DNAH9: variants seen among roughly 807,000 people sequenced by gnomAD.
DNAH9 encodes dynein axonemal heavy chain 9.
Under a neutral mutation model 471.6 loss-of-function variants are expected in DNAH9, and 345 were observed. That is an observed-to-expected ratio of 0.73 (90% CI 0.67 to 0.80). DNAH9 has a LOEUF of 0.80. Ranked by LOEUF, DNAH9 falls within the 30% of genes least tolerant of loss-of-function variation. DNAH9 has a pLI of 0.00. For synonymous variants in DNAH9, 2,093 were observed against 2,123.6 expected (o/e 0.99, Z 0.40); for missense variants, 5,407 against 5,609.2 (o/e 0.96, Z 1.15).
intron 24 of DNAH9, among the ~76,000 whole-genome samples, chr17:11,702,465 A>C (rs2074618283): frequency 6.6e-6 from 1 of 152,224 alleles, no homozygotes; most frequent in South Asian, 2.1e-4. Context: ...AGAGTAGATA[A>C]GATTGCCCTT....
chr17:11,828,748 G>A (rs924101175), intron 48 of DNAH9, among the ~76,000 whole-genome samples: 1 of 151,996 alleles, frequency 6.6e-6, no homozygotes, highest in African/African-American at 2.4e-5. Flanking sequence ...CATCACTTCC[G>A]AGACCTGAAC....
chr17:11,690,635 CA>C (rs1382276608), intron 20 of DNAH9, among the ~76,000 whole-genome samples, 199 bp downstream of exon 20: 4 of 151,670 alleles, frequency 2.6e-5, no homozygotes, highest in Non-Finnish European at 5.9e-5. Context: ...AAATGCACAC[CA>C]ATCAGTTTGT....
intron 50 of DNAH9, among the ~76,000 whole-genome samples, chr17:11,857,829 C>T (rs557955153): frequency 2.6e-5 from 4 of 152,190 alleles, no homozygotes; most frequent in East Asian, 1.9e-4. Context: ...ACCTGCCCCC[C>T]GCAACTCCCT....
intron 29 of DNAH9, among the ~76,000 whole-genome samples, chr17:11,741,608 C>G (rs2150835169): frequency 6.6e-6 from 1 of 151,540 alleles, no homozygotes; most frequent in East Asian, 1.9e-4. Context: ...TGGCAAAAAC[C>G]ACAGTTACTT....
chr17:11,743,365 A>G (rs1003379168), intron 30 of DNAH9, among the ~76,000 whole-genome samples: 3 of 152,124 alleles, frequency 2.0e-5, no homozygotes, highest in Non-Finnish European at 2.9e-5. Context: ...CCAAGCACCC[A>G]TATCTTTTGC....
chr17:11,874,131 G>A (rs1013818296), intron 52 of DNAH9, among the ~76,000 whole-genome samples: 1 of 151,646 alleles, frequency 6.6e-6, no homozygotes, highest in Non-Finnish European at 1.5e-5. Flanking sequence ...TGTAATCCCA[G>A]CCACCTGGGA....
intron 27 of DNAH9, among the ~76,000 whole-genome samples, chr17:11,726,209 A>G (rs1432086798): frequency 6.6e-6 from 1 of 152,130 alleles, no homozygotes; most frequent in Non-Finnish European, 1.5e-5. Context: ...TAAAGCATGT[A>G]GTTTTCTGTG....
At position 11,693,138 on chromosome 17, in the gene DNAH9, C is replaced by T. The variant is rs1457078637; in HGVS notation, c.4615-730C>T. Reference sequence around the variant, plus strand: ...CCATGTTGGTCAGGCTGGTCTCAAACTCCTGACCTTGTGATCCACCCGCCT... The same window carrying T: ...CCATGTTGGTCAGGCTGGTCTCAAATTCCTGACCTTGTGATCCACCCGCCT... On this transcript the variant is annotated intron_variant, in intron 20 of 68. Coordinates refer to ENST00000262442, the MANE Select transcript of DNAH9 (RefSeq NM_001372.4). Among the ~76,000 whole-genome samples, 3 of 146,460 alleles carry T rather than the reference C, an allele frequency of 2.0e-5. No homozygotes were observed. In the East Asian group the frequency reaches 6.1e-4, roughly 30 times the overall value.
At chr17:11,869,676 G>C (rs1041264335) in intron 51 of DNAH9, among the ~76,000 whole-genome samples, 4 of 152,170 alleles carry the variant, frequency 2.6e-5, no homozygotes, top group South Asian at 2.1e-4. Context: ...TACTGACCCT[G>C]AGTATTTCAG....
intron 56 of DNAH9, among the ~76,000 whole-genome samples, chr17:11,885,431 T>C (rs1972852196): frequency 6.6e-6 from 1 of 152,242 alleles, no homozygotes; most frequent in African/African-American, 2.4e-5. Context: ...TACGTCCTGA[T>C]GGGCATCAAA....
intron 28 of DNAH9, among the ~76,000 whole-genome samples, chr17:11,737,923 T>G (rs1482166799): frequency 6.6e-6 from 1 of 152,168 alleles, no homozygotes; most frequent in Non-Finnish European, 1.5e-5. Context: ...TGGGTATCCC[T>G]CATGTTAGCT....
chr17:11,789,431 T>C (rs1423221598), intron 41 of DNAH9, among the ~76,000 whole-genome samples: 1 of 152,072 alleles, frequency 6.6e-6, no homozygotes, highest in Non-Finnish European at 1.5e-5. Context: ...TAAGACATCC[T>C]TGTTATCAAT....
chr17:11,685,985 TA>T (rs2074236399), intron 19 of DNAH9, among the ~76,000 whole-genome samples: 1 of 151,928 alleles, frequency 6.6e-6, no homozygotes, highest in African/African-American at 2.4e-5. Context: ...TTTGTATTTT[TA>T]GTAGAGACAG....
Position 11,937,560 on chromosome 17 carries a change from G to A in DNAH9, c.12660+38G>A. On this transcript the variant is annotated intron_variant, in intron 66 of 68. Transcript: ENST00000262442. This position sits in a 1 kb window ranked among gnomAD's most constrained non-coding sequence, Gnocchi z 4.1. ...GGGACTGCCTGAGGTCGTTCTGGGG[G>A]ACCCCGAGGATCATAGATGCACACC... 5 of 1,570,124 alleles carry A rather than the reference G, an allele frequency of 3.2e-6. No individual in the cohort carries two copies. In the South Asian group the frequency reaches 3.5e-5, roughly 11 times the overall value.
Position 11,904,191 on chromosome 17 carries a change from G to A in DNAH9, c.11600+1279G>A, listed in dbSNP as rs189937922. ...AGCTGAGGTCACTAAGAATCTACAGGATTGTCCACATGGATGTTGATGTCA... is the reference window on the plus strand; with the variant it reads ...AGCTGAGGTCACTAAGAATCTACAGAATTGTCCACATGGATGTTGATGTCA... On this transcript the variant is annotated intron_variant, in intron 60 of 68. Transcript: ENST00000262442. 2.5e-3 allele frequency among the ~76,000 whole-genome samples: 381 copies of A among 152,284 alleles called. 4 individuals carry two copies. The highest frequency in any genetic ancestry group is 2.1e-3 in the Non-Finnish European group (140 of 68,006).
At chr17:11,800,099 C>A (rs1969396886) in intron 43 of DNAH9, among the ~76,000 whole-genome samples, 1 of 152,302 alleles carries the variant, frequency 6.6e-6, no homozygotes, top group East Asian at 1.9e-4. Context: ...TCTTTTCAAA[C>A]TCCCAGCGCC....
In DNAH9 at chr17:11,810,295, C is replaced by G; in HGVS notation, c.8633C>G (p.Thr2878Arg). Residue 2878 changes from threonine (T) to arginine (R), a missense_variant, in exon 45 of 69, where the codon ACA becomes AGA. Physicochemically the swap from Thr to Arg is moderately conservative, Grantham distance 71. Around this residue, in one of 3 missense-constraint regions of DNAH9, gnomAD observed 4,636 missense variants for 4,900.3 expected, o/e 0.95. Coordinates refer to ENST00000262442, the MANE Select transcript of DNAH9 (RefSeq NM_001372.4). ...AAAGCTGGAGTGAAGAATCTCAACA[C>G]AGTGTTTCTCATGACTGATGCCCAA... ...CLKAGVKNLN[T>R]VFLMTDAQVA... The G allele has an allele frequency of 6.2e-7, 1 of 1,613,796 alleles. No individual in the cohort carries two copies. Among genetic ancestry groups the G allele is most frequent in the Non-Finnish European group, 8.5e-7 (1 of 1,179,866 alleles).
chr17:11,834,725 G>A lies in DNAH9; in HGVS notation c.9334G>A (p.Gly3112Ser), dbSNP rs1970789300. 3.1e-6 allele frequency: 5 copies of A among 1,613,982 alleles called. No homozygotes were observed. Among genetic ancestry groups the A allele is most frequent in the Non-Finnish European group, 3.4e-6 (4 of 1,180,008 alleles). The change falls in exon 49 of 69, where the codon GGT becomes AGT. Residue 3112 changes from glycine to serine, a missense_variant. Around this residue, in one of 3 missense-constraint regions of DNAH9, gnomAD observed 4,636 missense variants for 4,900.3 expected, o/e 0.95. Transcript: ENST00000262442. Reference protein sequence around the residue: ...EDADKLIQVVGVETDKVSREK... With the variant: ...EDADKLIQVVSVETDKVSREK... The stretch of plus-strand genomic sequence containing the variant: ...TGCAGACAAACTGATTCAGGTCGTG[G>A]GTGTGGAGACTGACAAAGTGAGCAG...
intron 67 of DNAH9, among the ~76,000 whole-genome samples, chr17:11,958,620 G>A (rs545486364): frequency 3.7e-4 from 56 of 152,138 alleles, no homozygotes; most frequent in South Asian, 1.7e-3. Context: ...CAAAGGTACC[G>A]CTCTGGTGGG....
Sources: gnomAD v4.1 joint callset for allele counts (sites outside exome capture counted in the v4.1 genomes callset) on GRCh38, gnomAD v4.1.1 for gene constraint, gnomAD v4.1.1 regional missense constraint, Gnocchi (gnomAD v3.1) non-coding constraint, MANE v1.5 for transcripts, NCBI Gene and HGNC (gene_info 2026-07-23, HGNC 2026-07-21) for gene names.